The following NPAS2 variants were observed in gnomAD, a reference collection of about 807,000 sequenced individuals.
NPAS2 encodes neuronal PAS domain-containing protein 2.
In NPAS2, 23 loss-of-function variants were observed where a neutral mutation model predicts 107.5. The ratio of observed to expected loss-of-function variants is 0.21; its 90% CI spans 0.15 to 0.30. The LOEUF (loss-of-function observed/expected upper bound fraction) is 0.30. Among genes scored for constraint, NPAS2 ranks in the 10% least tolerant of loss-of-function variants. The pLI is 1.00. For synonymous variants in NPAS2, 403 were observed against 417.5 expected, an observed-to-expected ratio of 0.97 and a Z score of 0.42; for missense variants, 756 against 1,043.3, an observed-to-expected ratio of 0.72 and a Z score of 3.79.
chr2:100,887,670 TTTTTCTTTTTC>T (rs1416361095), intron 1 of NPAS2, among the ~76,000 whole-genome samples: 1 of 146,878 alleles, frequency 6.8e-6, no homozygotes, highest in African/African-American at 2.6e-5. Context: ...TTTCTGCAGT[TTTTTCTTTTTC>T]TTTTTTTTTT....
chr2:100,850,011 TAAA>T (rs58359292), intron 1 of NPAS2, among the ~76,000 whole-genome samples: 263 of 56,204 alleles, frequency 4.7e-3, no homozygotes, highest in Admixed American at 6.0e-3. Context: ...ACTCTTTTTG[TAAA>T]AAAAAAAAAA....
At chr2:100,857,725 T>C (rs1049081416) in intron 1 of NPAS2, among the ~76,000 whole-genome samples, 2 of 152,252 alleles carry the variant, frequency 1.3e-5, no homozygotes, top group African/African-American at 4.8e-5. Context: ...AGTGTTTCTG[T>C]GCACCCGGCG....
intron 1 of NPAS2, among the ~76,000 whole-genome samples, chr2:100,895,558 C>T (rs1468757770): frequency 6.6e-6 from 1 of 152,240 alleles, no homozygotes; most frequent in Non-Finnish European, 1.5e-5. Context: ...AGTAGCTCTG[C>T]CTGCCAGCAG....
rs59031714 is a variant in NPAS2, at chr2:100,878,101, C to T, written c.-22-26632C>T. The T allele has an allele frequency of 1.9e-3, 1,888 of 985,334 alleles. 108 individuals are homozygous for T. The East Asian group carries it at 0.14, about 72-fold the overall frequency. 61.0% of individuals were successfully genotyped at this position (985,334 alleles called of 1,614,324 possible). A position where few individuals can be genotyped will look rare whatever the true frequency, so the allele number is the denominator to read the frequency against. On this transcript the variant is annotated intron_variant, in intron 1 of 20. Transcript: ENST00000335681. Reference sequence around the variant, plus strand: ...ACGAGTCAGCATTCCCCTATGTCCACGGAAGGTTGTTTGGCAGCAGCTGAG... The same window carrying T: ...ACGAGTCAGCATTCCCCTATGTCCATGGAAGGTTGTTTGGCAGCAGCTGAG...
chr2:100,933,594 C>T (rs1420537351), intron 4 of NPAS2, among the ~76,000 whole-genome samples: 3 of 152,178 alleles, frequency 2.0e-5, no homozygotes, highest in African/African-American at 4.8e-5. Context: ...TACTCATCTA[C>T]AGGGCCGTAT....
chr2:100,832,214 T>C (rs1325716205), intron 1 of NPAS2, among the ~76,000 whole-genome samples: 2 of 152,170 alleles, frequency 1.3e-5, no homozygotes, highest in Admixed American at 6.5e-5. Context: ...TGCTGATTCC[T>C]GACTGCCAGA....
intron 1 of NPAS2, among the ~76,000 whole-genome samples, chr2:100,875,596 T>G (rs1379970327): frequency 6.6e-6 from 1 of 152,098 alleles, no homozygotes; most frequent in African/African-American, 2.4e-5. Flanking sequence ...ACAGCGCGGC[T>G]CCTGGACGCG....
chr2:100,836,505 G>A (rs995389852), intron 1 of NPAS2, among the ~76,000 whole-genome samples: 6 of 152,172 alleles, frequency 3.9e-5, no homozygotes, highest in African/African-American at 1.2e-4. Context: ...GCCACTCAAC[G>A]CCTGCGCCTG....
Position 100,820,975 on chromosome 2 carries a change from T to C in NPAS2, c.-23+561T>C. 2 of 1,194,522 alleles carry C rather than the reference T, an allele frequency of 1.7e-6. No individual in the cohort carries two copies. Among genetic ancestry groups the C allele is most frequent in the Non-Finnish European group, 2.2e-6 (2 of 905,012 alleles). The allele number at this position is 1,194,522 out of a possible 1,614,324, so 74.0% of individuals were successfully genotyped here. On this transcript the variant is annotated intron_variant, in intron 1 of 20. Coordinates refer to ENST00000335681, the MANE Select transcript of NPAS2 (RefSeq NM_002518.4). The surrounding 1 kb of genome is among the most constrained non-coding windows in gnomAD (Gnocchi z 5.6). ...GTGCGCAGACAGCGTGCAGCCTGGC[T>C]CCTCACGTCGCTGCCGCCCCCCCAC...
chr2:100,980,162 A>G (rs3768988), intron 15 of NPAS2, among the ~76,000 whole-genome samples: 16,012 of 152,062 alleles, frequency 0.11, 1,354 homozygotes, highest in East Asian at 0.35. Flanking sequence ...GGCCTTGAAA[A>G]AATCCGAATA....
At chr2:100,966,562 C>T (rs1157098238) in intron 10 of NPAS2, among the ~76,000 whole-genome samples, 1 of 151,610 alleles carries the variant, frequency 6.6e-6, no homozygotes, top group African/African-American at 2.4e-5. Flanking sequence ...TAAAAGATGC[C>T]TCACCTGTAG....
intron 1 of NPAS2, among the ~76,000 whole-genome samples, chr2:100,884,780 G>T (rs1680587505): frequency 6.6e-6 from 1 of 152,122 alleles, no homozygotes. Flanking sequence ...ACTCAAAGGA[G>T]TGATTTAGTA....
At chr2:100,975,332 G>A in intron 13 of NPAS2, 126 bp from the exon 14 acceptor site, 1 of 828,330 alleles carries the variant, frequency 1.2e-6, no homozygotes, top group East Asian at 2.6e-5. Flanking sequence ...CTGCATGGTG[G>A]ACTTCCTTTA....
intron 7 of NPAS2, among the ~76,000 whole-genome samples, chr2:100,950,698 G>A (rs1675169933): frequency 6.6e-6 from 1 of 152,214 alleles, no homozygotes; most frequent in Non-Finnish European, 1.5e-5. Context: ...GCTTATGCCT[G>A]GATGGTGGGC....
At chr2:100,907,199 G>A (rs529679161) in intron 2 of NPAS2, among the ~76,000 whole-genome samples, 4 of 151,984 alleles carry the variant, frequency 2.6e-5, no homozygotes, top group Non-Finnish European at 4.4e-5. Context: ...TCTACCATAC[G>A]CAGAAATCAG....
intron 1 of NPAS2, among the ~76,000 whole-genome samples, chr2:100,855,069 C>T (rs1375766794): frequency 6.6e-6 from 1 of 152,036 alleles, no homozygotes; most frequent in East Asian, 1.9e-4. Flanking sequence ...TTATACTCAC[C>T]CATATAGCTT....
intron 3 of NPAS2, among the ~76,000 whole-genome samples, chr2:100,929,184 C>T (rs188124409): frequency 1.4e-4 from 21 of 152,336 alleles, no homozygotes; most frequent in Non-Finnish European, 2.1e-4. Flanking sequence ...GGATCACAGA[C>T]GTGAGCCACT....
chr2:100,844,120 C>T (rs553868872), intron 1 of NPAS2, among the ~76,000 whole-genome samples: 4 of 152,282 alleles, frequency 2.6e-5, no homozygotes, highest in African/African-American at 7.2e-5. Context: ...CCCAATTTCT[C>T]CTTCAATACT....
At chr2:100,876,729 C>T (rs1338008255) in intron 1 of NPAS2, among the ~76,000 whole-genome samples, 1 of 152,086 alleles carries the variant, frequency 6.6e-6, no homozygotes, top group African/African-American at 2.4e-5. Flanking sequence ...CAGGCCTAAT[C>T]CCATCTGTTT....
Sources: allele counts gnomAD v4.1 joint callset (sites outside exome capture counted in the v4.1 genomes callset), GRCh38; gene constraint gnomAD v4.1.1; non-coding constraint Gnocchi (gnomAD v3.1); transcripts MANE v1.5; gene names NCBI Gene and HGNC (gene_info 2026-07-23, HGNC 2026-07-21).